Variants in ATP8A1 observed in about 807,000 individuals in gnomAD.
ATP8A1 encodes phospholipid-transporting ATPase IA.
In ATP8A1, 90 loss-of-function variants were observed where a neutral mutation model predicts 177.7. The observed-to-expected ratio is 0.51, with a 90% CI of 0.43 to 0.60. The LOEUF (loss-of-function observed/expected upper bound fraction) is 0.60, where lower values mean the gene tolerates loss of function less well. Ranked by LOEUF, ATP8A1 falls within the 20% of genes least tolerant of loss-of-function variation. The pLI, the probability that ATP8A1 is intolerant of heterozygous loss-of-function variation, is 0.00. For missense variants in ATP8A1, 1,072 were observed against 1,392.8 expected (o/e 0.77, Z 3.67); for synonymous variants, 493 against 485.9 (o/e 1.01, Z -0.19).
chr4:42,611,511 C>T (rs1052616515), intron 5 of ATP8A1, among the ~76,000 whole-genome samples: 5 of 152,184 alleles, frequency 3.3e-5, no homozygotes, highest in East Asian at 1.9e-4. Flanking sequence ...TACAGACCAT[C>T]GTCCAGGGAA....
At chr4:42,564,891 T>C (rs1731200607) in intron 15 of ATP8A1, among the ~76,000 whole-genome samples, 1 of 152,068 alleles carries the variant, frequency 6.6e-6, no homozygotes, top group Non-Finnish European at 1.5e-5. Context: ...CCACGTGTTA[T>C]AGGAGGGACC....
At chr4:42,618,349 T>C (rs1737117219) in intron 4 of ATP8A1, among the ~76,000 whole-genome samples, 1 of 152,180 alleles carries the variant, frequency 6.6e-6, no homozygotes, top group African/African-American at 2.4e-5. Flanking sequence ...ACCTGCAGTT[T>C]CAATTATAAC....
At chr4:42,644,248 A>G (rs1323098118) in intron 1 of ATP8A1, among the ~76,000 whole-genome samples, 1 of 152,238 alleles carries the variant, frequency 6.6e-6, no homozygotes, top group East Asian at 1.9e-4. Context: ...AAATTCACTT[A>G]ATAAGTTCAA....
intron 33 of ATP8A1, among the ~76,000 whole-genome samples, chr4:42,440,494 C>T (rs994963368): frequency 3.3e-5 from 5 of 152,042 alleles, no homozygotes; most frequent in Non-Finnish European, 5.9e-5. Flanking sequence ...TATTTATGGT[C>T]TGCCCCCTTG....
chr4:42,644,455 T>C (rs1373598005), intron 1 of ATP8A1, among the ~76,000 whole-genome samples: 1 of 152,156 alleles, frequency 6.6e-6, no homozygotes, highest in Admixed American at 6.5e-5. Context: ...CAAGATCAAA[T>C]TCTGGCTTTT....
intron 24 of ATP8A1, among the ~76,000 whole-genome samples, chr4:42,486,139 C>A (rs961596021): frequency 6.6e-6 from 1 of 152,160 alleles, no homozygotes; most frequent in African/African-American, 2.4e-5. Context: ...TAACCTGACG[C>A]GTTCACCCCA....
At chr4:42,528,980 G>A (rs1291229950) in intron 20 of ATP8A1, among the ~76,000 whole-genome samples, 1 of 152,074 alleles carries the variant, frequency 6.6e-6, no homozygotes, top group African/African-American at 2.4e-5. Flanking sequence ...TGTTGCATTT[G>A]GCCCCTCCTA....
chr4:42,607,463 T>C (rs1370296141), intron 5 of ATP8A1, among the ~76,000 whole-genome samples: 1 of 152,140 alleles, frequency 6.6e-6, no homozygotes, highest in Admixed American at 6.5e-5. Flanking sequence ...CACCACCACA[T>C]GTATTATGCT....
intron 33 of ATP8A1, among the ~76,000 whole-genome samples, chr4:42,433,631 CCCAA>C (rs1448859289): frequency 6.7e-6 from 1 of 149,080 alleles, no homozygotes; most frequent in Admixed American, 6.7e-5. Flanking sequence ...CTTGGGTTAT[CCCAA>C]ACAAACAAAC....
chr4:42,647,743 A>G (rs963839366), intron 1 of ATP8A1, among the ~76,000 whole-genome samples: 4 of 152,084 alleles, frequency 2.6e-5, no homozygotes, highest in African/African-American at 9.7e-5. Context: ...AGCTAAATCT[A>G]GTTGGTCTAA....
chr4:42,645,331 G>A lies in ATP8A1; in HGVS notation c.49+11494C>T, dbSNP rs536077481. 1.2e-4 allele frequency among the ~76,000 whole-genome samples: 18 copies of A among 152,110 alleles called. No individual in the cohort carries two copies. The East Asian group carries it at 3.5e-3, about 29-fold the overall frequency. On this transcript the variant is annotated intron_variant, in intron 1 of 36. Coordinates refer to ENST00000381668, the MANE Select transcript of ATP8A1 (RefSeq NM_006095.2). ...TTGATTTTCTTTGGTAAATATTTTGGGTAAATTGCTTGTCTATCACTTGGC... is the reference window on the plus strand; with the variant it reads ...TTGATTTTCTTTGGTAAATATTTTGAGTAAATTGCTTGTCTATCACTTGGC...
intron 15 of ATP8A1, among the ~76,000 whole-genome samples, chr4:42,556,446 G>C (rs1468298609): frequency 6.6e-6 from 1 of 151,976 alleles, no homozygotes. Context: ...TCTTCTATTT[G>C]AGTCATGAGA....
At chr4:42,475,882 T>C (rs1358632577) in intron 25 of ATP8A1, among the ~76,000 whole-genome samples, 3 of 151,352 alleles carry the variant, frequency 2.0e-5, no homozygotes, top group Non-Finnish European at 4.4e-5. Context: ...CTACTGAAAA[T>C]ACAAAAGTTA....
intron 33 of ATP8A1, among the ~76,000 whole-genome samples, chr4:42,433,190 G>A (rs528717421): frequency 6.6e-6 from 1 of 152,272 alleles, no homozygotes; most frequent in Admixed American, 6.5e-5. Context: ...TCTGTACCTG[G>A]AAAACTCTTT....
At chr4:42,492,860 G>A (rs1283295974) in intron 24 of ATP8A1, among the ~76,000 whole-genome samples, 2 of 152,196 alleles carry the variant, frequency 1.3e-5, no homozygotes, top group Non-Finnish European at 2.9e-5. Flanking sequence ...GGAAGCCTGT[G>A]CTTCCCTCTA....
At chr4:42,416,110 ATTT>A (rs949275464) in intron 35 of ATP8A1, among the ~76,000 whole-genome samples, 16 of 152,180 alleles carry the variant, frequency 1.1e-4, no homozygotes, top group Admixed American at 9.2e-4. Flanking sequence ...AGAAAGGGCC[ATTT>A]TTACAGAGTT....
intron 5 of ATP8A1, among the ~76,000 whole-genome samples, chr4:42,604,475 T>C (rs961776019): frequency 6.6e-6 from 1 of 152,216 alleles, no homozygotes; most frequent in Non-Finnish European, 1.5e-5. Context: ...GATCCACTAA[T>C]ATTCTTATCT....
chr4:42,539,285 TAA>T lies in ATP8A1; in HGVS notation c.1722+4630_1722+4631del, dbSNP rs1302758755. Among the ~76,000 whole-genome samples, 3 of 151,920 alleles carry T rather than the reference TAA, an allele frequency of 2.0e-5. No individual in the cohort carries two copies. The East Asian group carries it at 5.8e-4, about 30-fold the overall frequency. On this transcript the variant is annotated intron_variant, in intron 20 of 36. Transcript: ENST00000381668. ...GGAAGGGTGGGAGGGGAGTGAGGGA[TAA>T]AAGACTACATATTGGGTATCGCGTA...
intron 35 of ATP8A1, 39 bp from the exon 36 acceptor site, chr4:42,414,757 C>T: frequency 6.6e-7 from 1 of 1,513,510 alleles, no homozygotes; most frequent in Non-Finnish European, 9.2e-7. Context: ...GAATTATCAA[C>T]TCGGCAGAGA....
Sources: gnomAD v4.1 joint callset for allele counts (sites outside exome capture counted in the v4.1 genomes callset) on GRCh38, gnomAD v4.1.1 for gene constraint, MANE v1.5 for transcripts, NCBI Gene and HGNC (gene_info 2026-07-23, HGNC 2026-07-21) for gene names.